The following LRRC9 variants were observed in gnomAD, a reference collection of about 807,000 sequenced individuals.
LRRC9 encodes the protein leucine-rich repeat-containing protein 9.
LRRC9 carries 122 observed loss-of-function variants against 63.2 expected under a neutral mutation model. The ratio of observed to expected loss-of-function variants is 1.93; its 90% CI spans 1.67 to 2.24. LRRC9 has a LOEUF of 2.24. LRRC9 is among the 30% of genes most tolerant of loss of function. The pLI, the probability that LRRC9 is intolerant of heterozygous loss-of-function variation, is 0.00. For missense variants in LRRC9, 1,071 were observed against 627.7 expected, an observed-to-expected ratio of 1.71 and a Z score of -7.55; for synonymous variants, 366 against 213.1, an observed-to-expected ratio of 1.72 and a Z score of -6.25.
intron 17 of LRRC9, among the ~76,000 whole-genome samples, chr14:59,991,929 G>A (rs868749574): frequency 1.3e-5 from 2 of 151,622 alleles, no homozygotes; most frequent in African/African-American, 4.9e-5. Context: ...CTCTGCAGAC[G>A]TAAATGTCCC....
intron 8 of LRRC9, among the ~76,000 whole-genome samples, chr14:59,952,473 G>A (rs370166620): frequency 6.6e-6 from 1 of 152,160 alleles, no homozygotes; most frequent in Admixed American, 6.5e-5. Context: ...CGTCGCTCAC[G>A]CTGGGAGCTG....
At chr14:59,920,060 C>T (rs1888636082) in intron 1 of LRRC9, 84 bp from the exon 1 acceptor site, 1 of 150,214 alleles carries the variant, frequency 6.7e-6, no homozygotes, top group African/African-American at 2.4e-5. Flanking sequence ...ACCCTTTTAT[C>T]CCCCTCCCCG....
intron 7 of LRRC9, among the ~76,000 whole-genome samples, chr14:59,939,394 T>C (rs1881513657): frequency 6.6e-6 from 1 of 151,922 alleles, no homozygotes; most frequent in Non-Finnish European, 1.5e-5. Context: ...TTGAGGAAGA[T>C]GGGGTCCACT....
intron 13 of LRRC9, among the ~76,000 whole-genome samples, chr14:59,976,696 TA>T (rs1248492976): frequency 6.6e-6 from 1 of 152,208 alleles, no homozygotes; most frequent in Admixed American, 6.5e-5. Flanking sequence ...TTGTACATAG[TA>T]AAAACAAACA....
At chr14:59,989,459 CTTAAA>C (rs1887824789) in intron 17 of LRRC9, among the ~76,000 whole-genome samples, 1 of 151,648 alleles carries the variant, frequency 6.6e-6, no homozygotes. Flanking sequence ...GTGTTTATTT[CTTAAA>C]TTATTTTATT....
intron 29 of LRRC9, among the ~76,000 whole-genome samples, chr14:60,043,937 G>A: frequency 6.6e-6 from 1 of 151,282 alleles, no homozygotes; most frequent in African/African-American, 2.4e-5. Flanking sequence ...CAGGTACTGG[G>A]CTTTTCTTTT....
At chr14:60,045,334 A>G (rs1595100856) in intron 29 of LRRC9, among the ~76,000 whole-genome samples, 1 of 152,154 alleles carries the variant, frequency 6.6e-6, no homozygotes, top group East Asian at 1.9e-4. Flanking sequence ...TTATGTAAAC[A>G]TATGCCATGG....
At position 59,930,751 on chromosome 14, in the gene LRRC9, G is replaced by T. The variant is rs912577954; in HGVS notation, c.268-167G>T. ...AATTGAAAATAGTTGTATTTAAATG[G>T]AAAACATGGAATATATTTTTTTCTT... On this transcript the variant is annotated intron_variant, in intron 3 of 31. Transcript: ENST00000445360. The surrounding 1 kb of genome is among the most constrained non-coding windows in gnomAD (Gnocchi z 4.9). 6.6e-5 allele frequency among the ~76,000 whole-genome samples: 10 copies of T among 151,564 alleles called. No homozygotes were observed. The highest frequency in any genetic ancestry group is 1.7e-4 in the African/African-American group (7 of 41,382).
chr14:59,980,306 G>A (rs992828708), intron 15 of LRRC9, among the ~76,000 whole-genome samples: 21 of 151,970 alleles, frequency 1.4e-4, no homozygotes, highest in African/African-American at 4.8e-4. Context: ...CATATATGAG[G>A]AATCTGTCTA....
rs372721544 is a variant in LRRC9 at position 59,944,141 on chromosome 14, A to C, written c.727-448A>C. Among the ~76,000 whole-genome samples the C allele has an allele frequency of 1.1e-4, 17 of 152,078 alleles. 1 individual carries two copies. In the East Asian group the frequency reaches 1.7e-3, roughly 16 times the overall value. Reference sequence around the variant, plus strand: ...CATTCTTTTATACATTTGAAAAAAAATTATATTCCTTAGCCATGCTTTTAA... The same window carrying C: ...CATTCTTTTATACATTTGAAAAAAACTTATATTCCTTAGCCATGCTTTTAA... On this transcript the variant is annotated intron_variant, in intron 7 of 31. Coordinates refer to ENST00000445360, the Ensembl canonical transcript of LRRC9.
intron 3 of LRRC9, among the ~76,000 whole-genome samples, chr14:59,929,645 T>C (rs1566780416): frequency 2.0e-5 from 3 of 152,162 alleles, no homozygotes; most frequent in Admixed American, 6.5e-5. Context: ...ATTACAGCAG[T>C]ATTCACTAGC....
At chr14:59,984,304 GTTA>G (rs914643329) in intron 16 of LRRC9, among the ~76,000 whole-genome samples, 19 of 152,216 alleles carry the variant, frequency 1.2e-4, no homozygotes, top group Middle Eastern at 3.4e-3. Context: ...TAGGAATTTT[GTTA>G]TGTCCACAAT....
downstream of LRRC9, among the ~76,000 whole-genome samples, chr14:60,064,010 C>A (rs907455391): frequency 6.6e-6 from 1 of 152,088 alleles, no homozygotes; most frequent in Non-Finnish European, 1.5e-5. Flanking sequence ...GTGGGTGCAA[C>A]CAGTCCTTCA....
At chr14:60,020,606 A>C (rs1006728962) in intron 26 of LRRC9, among the ~76,000 whole-genome samples, 1 of 151,924 alleles carries the variant, frequency 6.6e-6, no homozygotes, top group Non-Finnish European at 1.5e-5. Flanking sequence ...CACCAAAAAG[A>C]TCCTTCATGT....
chr14:59,998,851 C>T (rs1047621053), intron 18 of LRRC9, among the ~76,000 whole-genome samples: 8 of 152,062 alleles, frequency 5.3e-5, no homozygotes, highest in Admixed American at 6.6e-5. Flanking sequence ...CACTTTTCAC[C>T]GCAGTCACTT....
At chr14:60,037,544 G>T (rs925087075) in intron 29 of LRRC9, among the ~76,000 whole-genome samples, 3 of 152,150 alleles carry the variant, frequency 2.0e-5, no homozygotes. Flanking sequence ...TCATGTGTCT[G>T]TTGGCTGCAT....
In LRRC9 at chr14:59,964,777, A is replaced by G. The variant is rs966194309; in HGVS notation, c.1212-1812A>G. Among the ~76,000 whole-genome samples the G allele has an allele frequency of 3.3e-5, 5 of 149,324 alleles. No individual in the cohort carries two copies. Among genetic ancestry groups the G allele is most frequent in the African/African-American group, 1.2e-4 (5 of 40,950 alleles). ...GTTTTGTAGGTACTCTAAACTGGTT[A>G]GCAGGCATCATGCTTGATTGCAACA... is the stretch of plus-strand genomic sequence containing the variant. On this transcript the variant is annotated intron_variant, in intron 10 of 31. Transcript: ENST00000445360. The surrounding 1 kb of genome is among the most constrained non-coding windows in gnomAD (Gnocchi z 4.4).
At chr14:59,988,996 G>A (rs1185416802) in intron 17 of LRRC9, among the ~76,000 whole-genome samples, 4 of 152,050 alleles carry the variant, frequency 2.6e-5, no homozygotes, top group African/African-American at 9.7e-5. Context: ...AAGTATTGTT[G>A]TAGAAAGTCT....
chr14:59,961,266 T>G (rs987548678), intron 10 of LRRC9, among the ~76,000 whole-genome samples: 1 of 152,222 alleles, frequency 6.6e-6, no homozygotes, highest in African/African-American at 2.4e-5. Context: ...GAGCCAACCT[T>G]GAAGACATCC....
Sources: gnomAD v4.1 joint callset for allele counts (sites outside exome capture counted in the v4.1 genomes callset) on GRCh38, gnomAD v4.1.1 for gene constraint, Gnocchi (gnomAD v3.1) non-coding constraint, MANE v1.5 for transcripts, NCBI Gene and HGNC (gene_info 2026-07-23, HGNC 2026-07-21) for gene names.